The following SLC24A4 variants were observed in gnomAD, a reference collection of about 807,000 sequenced individuals.
The protein encoded by SLC24A4 is solute carrier family 24 member 4, also known as sodium/potassium/calcium exchanger 4.
Under a neutral mutation model 79.0 loss-of-function variants are expected in SLC24A4, and 53 were observed. The ratio of observed to expected loss-of-function variants is 0.67; its 90% confidence interval spans 0.54 to 0.84. SLC24A4 has a LOEUF of 0.84. SLC24A4 is among the 40% of genes least tolerant of loss of function. SLC24A4 has a pLI of 0.00. For synonymous variants in SLC24A4, 323 were observed against 323.8 expected, an observed-to-expected ratio of 1.00 and a Z score of 0.03; for missense variants, 731 against 822.0, an observed-to-expected ratio of 0.89 and a Z score of 1.35.
chr14:92,488,387 A>G (rs951267637), intron 14 of SLC24A4, among the ~76,000 whole-genome samples: 2 of 152,142 alleles, frequency 1.3e-5, no homozygotes, highest in Admixed American at 1.3e-4. Flanking sequence ...CCTCCTTCCT[A>G]TAAGGAGACC....
At chr14:92,472,547 A>G (rs771648206) in intron 12 of SLC24A4, among the ~76,000 whole-genome samples, 4 of 152,096 alleles carry the variant, frequency 2.6e-5, no homozygotes, top group East Asian at 1.9e-4. Flanking sequence ...ATAGTCCCCA[A>G]TCCCATCCAG....
At chr14:92,447,740 A>C (rs1283228906) in intron 9 of SLC24A4, among the ~76,000 whole-genome samples, 1 of 152,236 alleles carries the variant, frequency 6.6e-6, no homozygotes, top group Non-Finnish European at 1.5e-5. Flanking sequence ...TCCATGCCCC[A>C]GGGTAACCAC....
intron 12 of SLC24A4, among the ~76,000 whole-genome samples, chr14:92,463,849 T>C (rs989870147): frequency 2.0e-5 from 3 of 152,216 alleles, no homozygotes; most frequent in African/African-American, 7.2e-5. Flanking sequence ...CGACTTCTTA[T>C]GTCTTTGGAC....
At chr14:92,397,661 G>A (rs1293295509) in intron 2 of SLC24A4, among the ~76,000 whole-genome samples, 1 of 152,158 alleles carries the variant, frequency 6.6e-6, no homozygotes, top group Admixed American at 6.5e-5. Flanking sequence ...TGGCCAGTGT[G>A]AGAGCAGCTC....
intron 8 of SLC24A4, among the ~76,000 whole-genome samples, chr14:92,445,987 A>T (rs55776825): frequency 6.6e-6 from 1 of 152,164 alleles, no homozygotes; most frequent in East Asian, 1.9e-4. Flanking sequence ...GCTTGCGCCC[A>T]GGAGTTTGAG....
At chr14:92,418,926 T>C (rs112509847) in intron 2 of SLC24A4, among the ~76,000 whole-genome samples, 13,931 of 152,162 alleles carry the variant, frequency 0.092, 1,074 homozygotes, top group African/African-American at 0.19. Context: ...GGTCTCACAC[T>C]CCTGACCTCA....
Position 92,444,974 on chromosome 14 carries a change from T to TC in SLC24A4, c.658-343_658-342insC, listed in dbSNP as rs1595292752. 6.3e-5 allele frequency among the ~76,000 whole-genome samples: 9 copies of TC among 142,798 alleles called. No homozygotes were observed. In the East Asian group the frequency reaches 1.8e-3, roughly 29 times the overall value. 93.7% of individuals were successfully genotyped at this position (142,798 alleles called of 152,430 possible). A position where few individuals can be genotyped will look rare whatever the true frequency, so the allele number is the denominator to read the frequency against. On this transcript the variant is annotated intron_variant, in intron 7 of 16. Transcript: ENST00000532405. ...ACACACACACACACACACACACACT[T>TC]AGCTATCTTTCAGTCTTTGAGATTT...
intron 2 of SLC24A4, among the ~76,000 whole-genome samples, chr14:92,390,132 G>A (rs796781600): frequency 1.6e-4 from 24 of 150,736 alleles, no homozygotes; most frequent in African/African-American, 5.8e-4. Context: ...CCCAGTCCGG[G>A]TCATCCCTGC....
chr14:92,371,653 C>G (rs758808048), intron 2 of SLC24A4, among the ~76,000 whole-genome samples: 1 of 152,232 alleles, frequency 6.6e-6, no homozygotes, highest in East Asian at 1.9e-4. Context: ...CAACACAGAA[C>G]TGTTTCTTTT....
Position 92,464,857 on chromosome 14 carries a change from C to A in SLC24A4, c.1255+8249C>A, listed in dbSNP as rs183945461. ...TAACAGTGTCTTCACATGGACCAGA[C>A]CCAAGGGCCGCCAAGAAACCTGTGC... On this transcript the variant is annotated intron_variant, in intron 12 of 16. Transcript: ENST00000532405. 8.7e-4 allele frequency among the ~76,000 whole-genome samples: 132 copies of A among 152,334 alleles called. 1 individual carries two copies. Among genetic ancestry groups the A allele is most frequent in the Admixed American group, 6.3e-3 (96 of 15,310 alleles).
chr14:92,404,900 G>A lies in SLC24A4; in HGVS notation c.242-29012G>A, dbSNP rs183822611. ...TATCATCTAGTCCTGGCACATAATA[G>A]GTCCTCAGTAAATACCTACTAGGTG... On this transcript the variant is annotated intron_variant, in intron 2 of 16. Transcript: ENST00000532405. Among the ~76,000 whole-genome samples, 186 of 152,026 alleles carry A rather than the reference G, an allele frequency of 1.2e-3. 1 individual carries two copies. The highest frequency in any genetic ancestry group is 2.0e-3 in the Non-Finnish European group (134 of 67,996).
intron 2 of SLC24A4, among the ~76,000 whole-genome samples, chr14:92,417,767 C>T (rs1214352355): frequency 6.6e-6 from 1 of 152,242 alleles, no homozygotes; most frequent in Non-Finnish European, 1.5e-5. Flanking sequence ...TGTGTTTCAA[C>T]TACCTGCGGT....
intron 2 of SLC24A4, among the ~76,000 whole-genome samples, chr14:92,328,511 A>G (rs1483287757): frequency 2.6e-5 from 4 of 152,234 alleles, no homozygotes; most frequent in African/African-American, 7.2e-5. Flanking sequence ...TAGAGTTGCC[A>G]TGACAGAACT....
intron 14 of SLC24A4, among the ~76,000 whole-genome samples, chr14:92,487,961 C>A (rs896070488): frequency 2.0e-5 from 3 of 151,830 alleles, no homozygotes; most frequent in Non-Finnish European, 2.9e-5. Context: ...ATGTCTGTGT[C>A]GACTTCCTCC....
At chr14:92,485,801 A>G (rs1895321123) in intron 13 of SLC24A4, among the ~76,000 whole-genome samples, 1 of 152,212 alleles carries the variant, frequency 6.6e-6, no homozygotes, top group African/African-American at 2.4e-5. Flanking sequence ...TTTCAGTGAG[A>G]CAGGATACTC....
chr14:92,441,763 C>A lies in SLC24A4; in HGVS notation c.394-326C>A, dbSNP rs889722917. ...TTCAGTAACAGCAGATAAAACACATCGTGTATCTGAGGGAAGTGGCTAGCT... is the reference window on the plus strand; with the variant it reads ...TTCAGTAACAGCAGATAAAACACATAGTGTATCTGAGGGAAGTGGCTAGCT... On this transcript the variant is annotated intron_variant, in intron 4 of 16. Transcript: ENST00000532405. This position sits in a 1 kb window ranked among gnomAD's most constrained non-coding sequence, Gnocchi z 4.6. 6.6e-6 allele frequency among the ~76,000 whole-genome samples: 1 copy of A among 152,174 alleles called. No homozygotes were observed. Among genetic ancestry groups the A allele is most frequent in the Non-Finnish European group, 1.5e-5 (1 of 68,038 alleles).
intron 2 of SLC24A4, among the ~76,000 whole-genome samples, chr14:92,425,367 G>A (rs1891508971): frequency 6.6e-6 from 1 of 152,214 alleles, no homozygotes; most frequent in Non-Finnish European, 1.5e-5. Flanking sequence ...TGAGTTATTG[G>A]AGGGACACTA....
intron 2 of SLC24A4, among the ~76,000 whole-genome samples, chr14:92,415,110 T>C (rs1890910427): frequency 6.6e-6 from 1 of 152,228 alleles, no homozygotes; most frequent in African/African-American, 2.4e-5. Flanking sequence ...CACTCTTTGA[T>C]GCACCTCCAT....
In SLC24A4 at chr14:92,453,911, CCA is replaced by C. The variant is rs1490870759; in HGVS notation, c.895_896del (p.Gln299ValfsTer24). 1 of 1,610,728 alleles carries C rather than the reference CCA, an allele frequency of 6.2e-7. No homozygotes were observed. The highest frequency in any genetic ancestry group is 1.7e-5 in the Admixed American group (1 of 59,318). ...VPLLGQVKEK[P>X]QYGKNPVVMV... ...GTTGCGCTCAACAGTGAAGGAGAAG[CCA>C]CAGTATGGCAAGAACCCCGTGGTGA... On this transcript the variant is annotated frameshift_variant, in exon 11 of 17. Transcript: ENST00000532405. LOFTEE classifies it high-confidence loss of function.
Sources: allele counts gnomAD v4.1 joint callset (sites outside exome capture counted in the v4.1 genomes callset), GRCh38; gene constraint gnomAD v4.1.1; non-coding constraint Gnocchi (gnomAD v3.1); transcripts MANE v1.5; gene names NCBI Gene and HGNC (gene_info 2026-07-23, HGNC 2026-07-21).